The following FRMD4B variants were observed in gnomAD, a reference collection of about 807,000 sequenced individuals.
FRMD4B encodes FERM domain containing 4B, also known as FERM domain-containing protein 4B.
In FRMD4B, 74 loss-of-function variants were observed where a neutral mutation model predicts 141.5. That is an observed-to-expected ratio of 0.52 (90% CI 0.43 to 0.63). The LOEUF (loss-of-function observed/expected upper bound fraction) is 0.63. Among genes scored for constraint, FRMD4B ranks in the 30% least tolerant of loss-of-function variants. The pLI is 0.00. For missense variants in FRMD4B, 1,366 were observed against 1,253.4 expected, an observed-to-expected ratio of 1.09 and a Z score of -1.36; for synonymous variants, 506 against 467.9, an observed-to-expected ratio of 1.08 and a Z score of -1.05.
At chr3:69,374,551 T>C (rs1056079209) in intron 1 of FRMD4B, among the ~76,000 whole-genome samples, 14 of 152,218 alleles carry the variant, frequency 9.2e-5, no homozygotes, top group Non-Finnish European at 1.8e-4. Context: ...ATGGGAAAGA[T>C]AGCAGACATG....
chr3:69,416,212 A>C (rs1704856351), intron 2 of FRMD4B, among the ~76,000 whole-genome samples: 1 of 152,222 alleles, frequency 6.6e-6, no homozygotes, highest in South Asian at 2.1e-4. Flanking sequence ...AGCTGCTGAA[A>C]GCTGACATAC....
intron 1 of FRMD4B, among the ~76,000 whole-genome samples, chr3:69,437,493 T>C (rs916765459): frequency 2.7e-5 from 4 of 146,436 alleles, no homozygotes; most frequent in African/African-American, 5.0e-5. Context: ...CATAGTATTA[T>C]ACATAACATA....
intron 5 of FRMD4B, among the ~76,000 whole-genome samples, chr3:69,269,867 G>A (rs939236921): frequency 4.6e-5 from 7 of 152,164 alleles, no homozygotes; most frequent in South Asian, 2.1e-4. Context: ...CGATCTGCCC[G>A]CCTCAGCCTC....
chr3:69,216,059 C>A (rs556214273), intron 11 of FRMD4B, among the ~76,000 whole-genome samples: 1 of 152,094 alleles, frequency 6.6e-6, no homozygotes, highest in East Asian at 1.9e-4. Flanking sequence ...GAGGCTGAGG[C>A]AGGAGACTCG....
chr3:69,217,809 C>T (rs1285420486), intron 10 of FRMD4B, among the ~76,000 whole-genome samples: 1 of 152,062 alleles, frequency 6.6e-6, no homozygotes, highest in African/African-American at 2.4e-5. Flanking sequence ...ATCCTTAACA[C>T]TTTCATCTCA....
At chr3:69,280,723 C>T (rs373607779) in intron 5 of FRMD4B, among the ~76,000 whole-genome samples, 32 of 152,042 alleles carry the variant, frequency 2.1e-4, no homozygotes, top group African/African-American at 7.5e-4. Context: ...TGGGCTCAAG[C>T]GATCCTCCCA....
At chr3:69,186,787 C>T (rs1054155668) in intron 19 of FRMD4B, among the ~76,000 whole-genome samples, 7 of 152,180 alleles carry the variant, frequency 4.6e-5, no homozygotes, top group African/African-American at 1.4e-4. Flanking sequence ...GATCCTCCCA[C>T]CTTGGCCTCC....
intron 1 of FRMD4B, among the ~76,000 whole-genome samples, chr3:69,470,051 TAG>T (rs1357527219): frequency 6.6e-6 from 1 of 152,192 alleles, no homozygotes; most frequent in Non-Finnish European, 1.5e-5. Context: ...CAAAACACAT[TAG>T]AGACTCCAAG....
chr3:69,177,021 A>G (rs1035612946), intron 21 of FRMD4B, among the ~76,000 whole-genome samples: 2 of 152,218 alleles, frequency 1.3e-5, no homozygotes, highest in African/African-American at 4.8e-5. Flanking sequence ...TAATTGAAAG[A>G]TAAATTTGTC....
chr3:69,272,254 G>C lies in FRMD4B; in HGVS notation c.501+15498C>G, dbSNP rs541730859. Among the ~76,000 whole-genome samples, 13 of 152,222 alleles carry C rather than the reference G, an allele frequency of 8.5e-5. No homozygotes were observed. In the East Asian group the frequency reaches 2.3e-3, roughly 27 times the overall value. On this transcript the variant is annotated intron_variant, in intron 5 of 22. Transcript: ENST00000398540. Reference sequence around the variant, plus strand: ...CCACCTGGGTTCAAGTGATTCTCCTGTCTCTCAGCCTCCTGAGTATTGGAA... The same window carrying C: ...CCACCTGGGTTCAAGTGATTCTCCTCTCTCTCAGCCTCCTGAGTATTGGAA...
At chr3:69,172,084 A>T (rs1226409860) in intron 22 of FRMD4B, 103 bp from the exon 23 acceptor site, 8 of 1,067,534 alleles carry the variant, frequency 7.5e-6, no homozygotes, top group Non-Finnish European at 1.1e-5. Context: ...CACTGTTAAG[A>T]AAAATTTCCC....
At chr3:69,436,744 G>A (rs190282828) in intron 1 of FRMD4B, among the ~76,000 whole-genome samples, 23 of 152,138 alleles carry the variant, frequency 1.5e-4, no homozygotes, top group African/African-American at 4.6e-4. Context: ...TACATAACAT[G>A]GATTATAATT....
At chr3:69,523,256 T>A (rs949560331) in intron 1 of FRMD4B, among the ~76,000 whole-genome samples, 4 of 152,110 alleles carry the variant, frequency 2.6e-5, no homozygotes, top group African/African-American at 9.7e-5. Flanking sequence ...TCCAGCCTCA[T>A]AAGAGGATGA....
At chr3:69,252,102 C>T (rs772079235) in intron 5 of FRMD4B, among the ~76,000 whole-genome samples, 16 of 152,242 alleles carry the variant, frequency 1.1e-4, no homozygotes, top group Non-Finnish European at 1.9e-4. Context: ...TTTGCATCAT[C>T]AGAACCTCAG....
At chr3:69,426,566 C>A (rs961565813) in intron 2 of FRMD4B, among the ~76,000 whole-genome samples, 1 of 152,072 alleles carries the variant, frequency 6.6e-6, no homozygotes, top group Admixed American at 6.6e-5. Context: ...TAATGTCTGT[C>A]CTGGCAGAGG....
chr3:69,462,057 G>A (rs1705715757), intron 1 of FRMD4B, among the ~76,000 whole-genome samples: 1 of 152,160 alleles, frequency 6.6e-6, no homozygotes, highest in South Asian at 2.1e-4. Context: ...CTTTCAAAAA[G>A]CAGATGCTGA....
chr3:69,245,662 TTC>T (rs1428588610), intron 7 of FRMD4B, among the ~76,000 whole-genome samples: 16 of 85,804 alleles, frequency 1.9e-4, no homozygotes, highest in African/African-American at 5.5e-4. Context: ...TGATTTTCTT[TTC>T]TTTTTTTTTT....
chr3:69,336,525 G>A (rs1357853101), intron 1 of FRMD4B: 1 of 152,294 alleles, frequency 6.6e-6, no homozygotes, highest in Non-Finnish European at 1.5e-5. Context: ...CCAAACTGGA[G>A]TGGGTGAGGC....
chr3:69,462,145 AG>A (rs916367937), intron 1 of FRMD4B, among the ~76,000 whole-genome samples: 3 of 152,272 alleles, frequency 2.0e-5, no homozygotes, highest in African/African-American at 7.2e-5. Flanking sequence ...GAATGGAGTC[AG>A]GGAAGGGAAG....
Sources: allele counts gnomAD v4.1 joint callset (sites outside exome capture counted in the v4.1 genomes callset), GRCh38; gene constraint gnomAD v4.1.1; transcripts MANE v1.5; gene names NCBI Gene and HGNC (gene_info 2026-07-23, HGNC 2026-07-21).